Variants in HDX observed in about 807,000 individuals in gnomAD.
The protein encoded by HDX is highly divergent homeobox.
Under a neutral mutation model 45.2 loss-of-function variants are expected in HDX, and 19 were observed. The observed-to-expected ratio is 0.42, with a 90% CI of 0.29 to 0.62. HDX has a LOEUF of 0.62. Among genes scored for constraint, HDX ranks in the 20% least tolerant of loss-of-function variants. The pLI is 0.20. For missense variants in HDX, 532 were observed against 493.9 expected, an observed-to-expected ratio of 1.08 and a Z score of -0.73; for synonymous variants, 188 against 172.8, an observed-to-expected ratio of 1.09 and a Z score of -0.69.
intron 4 of HDX, among the ~76,000 whole-genome samples, chrX:84,444,182 C>T (rs1226861787): frequency 1.8e-5 from 2 of 110,806 alleles, no homozygotes; most frequent in African/African-American, 6.5e-5. Context: ...AATAAAAAGA[C>T]AGGATGTATT....
chrX:84,352,327 CACATGAATT>C (rs1569289560), intron 6 of HDX, among the ~76,000 whole-genome samples: 1 of 111,776 alleles, frequency 8.9e-6, no homozygotes, highest in Non-Finnish European at 1.9e-5. Flanking sequence ...AAGTTTGAAA[CACATGAATT>C]ACTTTGTACA....
chrX:84,461,356 G>A (rs2040233679), intron 4 of HDX, among the ~76,000 whole-genome samples: 3 of 110,786 alleles, frequency 2.7e-5, no homozygotes, highest in Admixed American at 1.9e-4. Flanking sequence ...GGAGAACCCA[G>A]AAACAAATCC....
chrX:84,501,657 T>G (rs2041120262), intron 1 of HDX: 1 of 112,439 alleles, frequency 8.9e-6, no homozygotes. Flanking sequence ...AGAATGTGCC[T>G]TCTCAAATTT....
chrX:84,372,859 T>C (rs1294310358), intron 5 of HDX, among the ~76,000 whole-genome samples: 1 of 111,163 alleles, frequency 9.0e-6, no homozygotes, highest in Non-Finnish European at 1.9e-5. Context: ...AAAATGTTTA[T>C]ATAGCAGAAA....
rs181429706 is a variant in HDX at position 84,318,340 on chromosome X, C to T, written c.*3549G>A. ...TACCTAACATTTAGATACAGTGGTA[C>T]TGATAACTCCCTTAAAAAGCTAACC... On this transcript the variant is annotated 3_prime_UTR_variant, in exon 11 of 11. Transcript: ENST00000373177. The T allele has an allele frequency of 8.9e-4, 98 of 110,690 alleles. No homozygotes were observed. Among genetic ancestry groups the T allele is most frequent in the African/African-American group, 3.1e-3 (94 of 30,650 alleles). The allele number at this position is 110,690 out of a possible 1,213,427, so 9.1% of individuals were successfully genotyped here.
chrX:84,440,456 G>A (rs2039735802), intron 5 of HDX, 76 bp downstream of exon 5: 2 of 690,293 alleles, frequency 2.9e-6, no homozygotes, highest in African/African-American at 4.3e-5. Context: ...TACAAATATG[G>A]CAATTTTCTC....
intron 5 of HDX, among the ~76,000 whole-genome samples, chrX:84,383,709 C>G (rs957704161): frequency 1.8e-5 from 2 of 111,264 alleles, no homozygotes; most frequent in Non-Finnish European, 1.9e-5. Context: ...CCCTCTCTCC[C>G]CACTCTAGTT....
At chrX:84,353,396 C>T (rs934375146) in intron 6 of HDX, among the ~76,000 whole-genome samples, 4 of 110,744 alleles carry the variant, frequency 3.6e-5, no homozygotes, top group African/African-American at 1.3e-4. Context: ...AAATGTAGTG[C>T]TTTTATAAAG....
At chrX:84,359,743 T>C (rs932509414) in intron 6 of HDX, among the ~76,000 whole-genome samples, 1 of 111,689 alleles carries the variant, frequency 9.0e-6, no homozygotes, top group African/African-American at 3.3e-5. Context: ...GTATTTCCGG[T>C]TTTAAGTCTT....
chrX:84,471,161 A>T (rs1330709448), intron 3 of HDX, among the ~76,000 whole-genome samples: 1 of 110,511 alleles, frequency 9.0e-6, no homozygotes, highest in Non-Finnish European at 1.9e-5. Flanking sequence ...CATCTTATAC[A>T]ATTTATAATT....
chrX:84,420,194 T>C (rs930869885), intron 5 of HDX, among the ~76,000 whole-genome samples: 3 of 111,994 alleles, frequency 2.7e-5, no homozygotes, highest in Non-Finnish European at 5.6e-5. Flanking sequence ...GATATGCGAA[T>C]TTTTAGACAG....
At chrX:84,384,241 C>T (rs776866875) in intron 5 of HDX, among the ~76,000 whole-genome samples, 25 of 111,341 alleles carry the variant, frequency 2.2e-4, no homozygotes, top group African/African-American at 7.8e-4. Context: ...AACAGCCGTT[C>T]TGAGCTATGT....
intron 5 of HDX, among the ~76,000 whole-genome samples, chrX:84,426,546 A>G (rs182761589): frequency 9.0e-6 from 1 of 111,313 alleles, no homozygotes; most frequent in East Asian, 2.8e-4. Context: ...ATAAGGGCTG[A>G]CACAGAAAGA....
At chrX:84,413,914 T>C (rs757047503) in intron 5 of HDX, among the ~76,000 whole-genome samples, 24 of 111,393 alleles carry the variant, frequency 2.2e-4, no homozygotes, top group Non-Finnish European at 4.0e-4. Context: ...CCTTTTTGCT[T>C]TTATTTGCCT....
chrX:84,434,498 C>A (rs1042814941), intron 5 of HDX, among the ~76,000 whole-genome samples: 2 of 111,331 alleles, frequency 1.8e-5, no homozygotes, highest in Non-Finnish European at 1.9e-5. Context: ...TATGTTAAAC[C>A]ATTCTTGCTT....
intron 5 of HDX, among the ~76,000 whole-genome samples, chrX:84,427,855 G>T (rs184630295): frequency 9.0e-6 from 1 of 110,865 alleles, no homozygotes. Context: ...TGAATGCATG[G>T]TTAACTCTTT....
chrX:84,335,569 AG>A (rs1017527197), intron 8 of HDX, among the ~76,000 whole-genome samples: 1 of 111,735 alleles, frequency 8.9e-6, no homozygotes, highest in African/African-American at 3.2e-5. Context: ...ATGTCTTTAA[AG>A]GGAAAGATGT....
At chrX:84,459,850 G>A (rs935688764) in intron 4 of HDX, among the ~76,000 whole-genome samples, 5 of 111,281 alleles carry the variant, frequency 4.5e-5, no homozygotes, top group African/African-American at 1.6e-4. Flanking sequence ...AGGTATAAAA[G>A]GAGACATTAT....
intron 4 of HDX, 90 bp from the exon 5 acceptor site, chrX:84,440,675 A>G: frequency 1.8e-6 from 1 of 555,394 alleles, no homozygotes; most frequent in Non-Finnish European, 3.0e-6. Context: ...ACACTATTTC[A>G]AGATAAATCT....
Sources: gnomAD v4.1 joint callset for allele counts (sites outside exome capture counted in the v4.1 genomes callset) on GRCh38, gnomAD v4.1.1 for gene constraint, MANE v1.5 for transcripts, NCBI Gene and HGNC (gene_info 2026-07-23, HGNC 2026-07-21) for gene names.